Variants in ACOX3 observed in about 807,000 individuals in gnomAD.
The protein encoded by ACOX3 is acyl-CoA oxidase 3, pristanoyl.
A neutral mutation model predicts 81.5 loss-of-function variants in ACOX3; 73 were observed. That is an observed-to-expected ratio of 0.90 (90% CI 0.74 to 1.09). The LOEUF (loss-of-function observed/expected upper bound fraction) is 1.09, where lower values mean the gene tolerates loss of function less well. Ranked by LOEUF, ACOX3 falls within the 50% of genes least tolerant of loss-of-function variation. The probability of loss-of-function intolerance (pLI) is 0.00; values close to 1 mark genes in which losing one functional copy is unlikely to be tolerated. For synonymous variants in ACOX3, 387 were observed against 375.1 expected (o/e 1.03, Z -0.37); for missense variants, 947 against 928.0 (o/e 1.02, Z -0.27).
In ACOX3 at chr4:8,416,002, G is replaced by A. The variant is rs1347381159; in HGVS notation, c.145-3C>T. 1 of 1,613,082 alleles carries A rather than the reference G, an allele frequency of 6.2e-7. No homozygotes were observed. The highest frequency in any genetic ancestry group is 8.5e-7 in the Non-Finnish European group (1 of 1,179,152). On this transcript the variant is annotated splice_polypyrimidine_tract_variant and splice_region_variant and intron_variant, in intron 2 of 17. Coordinates refer to ENST00000356406, the MANE Select transcript of ACOX3 (RefSeq NM_003501.3). The surrounding 1 kb of genome is among the most constrained non-coding windows in gnomAD (Gnocchi z 4.2). ...TCAAGAGCTGAGAAGATGGTTTTCT[G>A]GAAATGCAGGAGATGGGTAAGGCTT...
At chr4:8,422,727 G>A (rs1723079229) in intron 1 of ACOX3, among the ~76,000 whole-genome samples, 1 of 152,292 alleles carries the variant, frequency 6.6e-6, no homozygotes, top group Non-Finnish European at 1.5e-5. Flanking sequence ...TTGTATCGCA[G>A]CAGGGGAGGT....
chr4:8,416,589 AC>A lies in ACOX3; in HGVS notation c.-14-55del, dbSNP rs1270395017. 1.5e-5 allele frequency: 22 copies of A among 1,486,622 alleles called. No individual in the cohort carries two copies. The highest frequency in any genetic ancestry group is 1.9e-5 in the Non-Finnish European group (21 of 1,119,640). The allele number at this position is 1,486,622 out of a possible 1,614,324, so 92.1% of individuals were successfully genotyped here. A position where few individuals can be genotyped will look rare whatever the true frequency, so the allele number is the denominator to read the frequency against. On this transcript the variant is annotated intron_variant, in intron 1 of 17. Transcript: ENST00000356406. The surrounding 1 kb of genome is among the most constrained non-coding windows in gnomAD (Gnocchi z 4.2). ...GCTCTCCCATCTATGGGTTCAAACT[AC>A]CCCCACCAACAGGAGAGCCCGCAAC... is the stretch of plus-strand genomic sequence containing the variant.
intron 1 of ACOX3, among the ~76,000 whole-genome samples, chr4:8,417,699 AAGAT>A (rs371869029): frequency 6.0e-4 from 91 of 152,400 alleles, no homozygotes; most frequent in Admixed American, 2.7e-3. Flanking sequence ...AAAATAATAA[AAGAT>A]AGAGCAACTG....
Position 8,417,417 on chromosome 4 carries a change from G to A in ACOX3, c.-14-882C>T, listed in dbSNP as rs373117069. On this transcript the variant is annotated intron_variant, in intron 1 of 17. Transcript: ENST00000356406. ...CAGGTCTGAGCACCTGTTGGTGGGC[G>A]GCGGCAGGAATCCTGCCTTCTATAG... Among the ~76,000 whole-genome samples the A allele has an allele frequency of 1.1e-4, 17 of 152,350 alleles. No homozygotes were observed. In the East Asian group the frequency reaches 2.9e-3, roughly 26 times the overall value.
At chr4:8,373,009 T>C (rs1483532755) in intron 16 of ACOX3, among the ~76,000 whole-genome samples, 2 of 152,174 alleles carry the variant, frequency 1.3e-5, no homozygotes, top group South Asian at 2.1e-4. Flanking sequence ...TGTCCCCGGA[T>C]GGAAGAGAGA....
In ACOX3 at chr4:8,394,775, C is replaced by T. The variant is rs367985823; in HGVS notation, c.1057-33G>A. The T allele has an allele frequency of 4.4e-6, 7 of 1,597,914 alleles. No homozygotes were observed. The highest frequency in any genetic ancestry group is 1.7e-5 in the Admixed American group (1 of 59,312). On this transcript the variant is annotated intron_variant, in intron 9 of 17. Transcript: ENST00000356406. This position sits in a 1 kb window ranked among gnomAD's most constrained non-coding sequence, Gnocchi z 5.9. ...AGACAAGACACCTGCGTGAACACATCGTGGTTCCCATGAAGGGCAGCCCAT... is the reference window on the plus strand; with the variant it reads ...AGACAAGACACCTGCGTGAACACATTGTGGTTCCCATGAAGGGCAGCCCAT...
chr4:8,398,044 C>A (rs1719920863), intron 8 of ACOX3, among the ~76,000 whole-genome samples: 1 of 152,098 alleles, frequency 6.6e-6, no homozygotes, highest in Non-Finnish European at 1.5e-5. Context: ...GCCTGTAGTC[C>A]CAGCTACTCA....
chr4:8,367,738 G>A (rs753347621), intron 17 of ACOX3, among the ~76,000 whole-genome samples: 3 of 133,302 alleles, frequency 2.3e-5, no homozygotes, highest in Non-Finnish European at 4.6e-5. Context: ...GGGAGGCTGA[G>A]GAAGGCAGAT....
In ACOX3 at chr4:8,384,053, C is replaced by T. The variant is rs116185374; in HGVS notation, c.1538-2446G>A. Among the ~76,000 whole-genome samples, 1,054 of 152,304 alleles carry T rather than the reference C, an allele frequency of 6.9e-3. 13 individuals carry two copies. Among genetic ancestry groups the T allele is most frequent in the African/African-American group, 0.024 (1,007 of 41,556 alleles). On this transcript the variant is annotated intron_variant, in intron 13 of 17. Transcript: ENST00000356406. This position sits in a 1 kb window ranked among gnomAD's most constrained non-coding sequence, Gnocchi z 5.3. ...CTGTCCTGGCCATTCCCAAACACTG[C>T]CCCAGGAGGTGTCCCTCTGCGGTGG... is the stretch of plus-strand genomic sequence containing the variant.
Position 8,437,361 on chromosome 4 carries a change from AAGAGGAGGCT to A in ACOX3, c.-15+3277_-15+3286del, listed in dbSNP as rs927959269. ...CCCGGCTCAGCTCTATCTAGAAAAA[AAGAGGAGGCT>A]AGAGACCGGTGCCAAGAGAAGAGCA... is the stretch of plus-strand genomic sequence containing the variant. On this transcript the variant is annotated intron_variant, in intron 1 of 17. Coordinates refer to ENST00000356406, the MANE Select transcript of ACOX3 (RefSeq NM_003501.3). This position sits in a 1 kb window ranked among gnomAD's most constrained non-coding sequence, Gnocchi z 5.2. 2.0e-5 allele frequency among the ~76,000 whole-genome samples: 3 copies of A among 152,026 alleles called. No homozygotes were observed. Among genetic ancestry groups the A allele is most frequent in the African/African-American group, 7.2e-5 (3 of 41,414 alleles).
At chr4:8,372,613 A>C (rs1213353468) in intron 16 of ACOX3, among the ~76,000 whole-genome samples, 1 of 152,218 alleles carries the variant, frequency 6.6e-6, no homozygotes, top group African/African-American at 2.4e-5. Context: ...CGTGCGCCAC[A>C]ATCAGACACG....
At chr4:8,373,539 C>A in intron 16 of ACOX3, 22 bp downstream of exon 16, 1 of 1,612,834 alleles carries the variant, frequency 6.2e-7, no homozygotes, top group Non-Finnish European at 8.5e-7. Flanking sequence ...ATGTAGAGAA[C>A]GCGACAGCAC....
Position 8,370,020 on chromosome 4 carries a change from A to G in ACOX3, c.1983+888T>C, listed in dbSNP as rs1294343135. ...CTCCTCGAGGGCATCATCAGGTGGG[A>G]GGGAGACACAAGGTCAGTGATGAGG... On this transcript the variant is annotated intron_variant, in intron 17 of 17. Transcript: ENST00000356406. The surrounding 1 kb of genome is among the most constrained non-coding windows in gnomAD (Gnocchi z 6.3). Among the ~76,000 whole-genome samples the G allele has an allele frequency of 1.3e-5, 2 of 152,204 alleles. No homozygotes were observed. The highest frequency in any genetic ancestry group is 4.8e-5 in the African/African-American group (2 of 41,466).
intron 1 of ACOX3, among the ~76,000 whole-genome samples, chr4:8,427,896 T>A (rs1049770278): frequency 1.8e-4 from 27 of 152,122 alleles, no homozygotes; most frequent in African/African-American, 6.5e-4. Context: ...AATATGGTGA[T>A]GTCTGCCTAG....
intron 14 of ACOX3, among the ~76,000 whole-genome samples, chr4:8,379,044 C>T (rs1156465403): frequency 1.3e-5 from 2 of 152,176 alleles, no homozygotes; most frequent in Middle Eastern, 3.2e-3. Flanking sequence ...TGAAGGAATT[C>T]CTTCCTTCCT....
chr4:8,440,605 G>A (rs1164643379), intron 1 of ACOX3, 43 bp downstream of exon 1: 6 of 528,568 alleles, frequency 1.1e-5, no homozygotes, highest in African/African-American at 4.0e-5. Context: ...ACCACGCCCA[G>A]AATTCTCTCA....
intron 1 of ACOX3, among the ~76,000 whole-genome samples, chr4:8,426,281 G>A (rs899556523): frequency 2.0e-5 from 3 of 151,994 alleles, no homozygotes; most frequent in Non-Finnish European, 4.4e-5. Flanking sequence ...CCCACCCCTA[G>A]ATACATACTG....
rs1373175451 is a variant in ACOX3, at chr4:8,381,609, T to C, written c.1538-2A>G. The stretch of plus-strand genomic sequence containing the variant: ...GCCACTTGTATGCTGCCAGGGCGAC[T>C]TCGGAATGACAAACAGAAGGAGAAA... On this transcript the variant is annotated splice_acceptor_variant, in intron 13 of 17. Transcript: ENST00000356406. LOFTEE classifies it high-confidence loss of function. The surrounding 1 kb of genome is among the most constrained non-coding windows in gnomAD (Gnocchi z 4.3). 2 of 1,606,630 alleles carry C rather than the reference T, an allele frequency of 1.2e-6. No homozygotes were observed. The highest frequency in any genetic ancestry group is 2.2e-5 in the East Asian group (1 of 44,822).
At chr4:8,421,669 T>C (rs1338429115) in intron 1 of ACOX3, among the ~76,000 whole-genome samples, 2 of 152,228 alleles carry the variant, frequency 1.3e-5, no homozygotes, top group African/African-American at 4.8e-5. Context: ...GCAAGTTGTA[T>C]CTCCAAAGGG....
Sources: gnomAD v4.1 joint callset for allele counts (sites outside exome capture counted in the v4.1 genomes callset) on GRCh38, gnomAD v4.1.1 for gene constraint, Gnocchi (gnomAD v3.1) non-coding constraint, MANE v1.5 for transcripts, NCBI Gene and HGNC (gene_info 2026-07-23, HGNC 2026-07-21) for gene names.